UXS1: variants seen among roughly 807,000 people sequenced by gnomAD.
UXS1 encodes UDP-glucuronic acid decarboxylase 1.
UXS1 carries 33 observed loss-of-function variants against 62.6 expected under a neutral mutation model. That is an observed-to-expected ratio of 0.53 (90% CI 0.40 to 0.70). UXS1 has a LOEUF of 0.70. UXS1 is among the 30% of genes least tolerant of loss of function. The probability of loss-of-function intolerance (pLI) is 0.00; values close to 1 mark genes in which losing one functional copy is unlikely to be tolerated. For synonymous variants in UXS1, 213 were observed against 206.8 expected (o/e 1.03, Z -0.26); for missense variants, 434 against 556.3 (o/e 0.78, Z 2.21).
At position 106,166,057 on chromosome 2, in the gene UXS1, T is replaced by A; in HGVS notation, c.121A>T (p.Ser41Cys). The change falls in exon 2 of 15, where the codon AGC (serine) becomes TGC (cysteine). Residue 41 changes from serine (S) to cysteine (C), a missense_variant and splice_region_variant. Ser to Cys is a moderately radical substitution (Grantham distance 112, BLOSUM62 -1). Transcript: ENST00000283148. Reference protein sequence around the residue: ...ASVWGNFVNMSFLLNRSIQEN... With the variant: ...ASVWGNFVNMCFLLNRSIQEN... ...ACCCAAGTAATTAAAAACAATTACC[T>A]CATATTAACGAAGTTGCCCCAAACA... The A allele has an allele frequency of 6.2e-7, 1 of 1,611,276 alleles. No homozygotes were observed. The highest frequency in any genetic ancestry group is 2.2e-5 in the East Asian group (1 of 44,752).
At chr2:106,119,160 AC>A (rs1474694577) in intron 9 of UXS1, among the ~76,000 whole-genome samples, 1 of 152,214 alleles carries the variant, frequency 6.6e-6, no homozygotes, top group Non-Finnish European at 1.5e-5. Context: ...GGGTGATGCT[AC>A]TGCAGGCGCA....
At chr2:106,185,574 C>T (rs144362207) in intron 1 of UXS1, among the ~76,000 whole-genome samples, 6 of 152,292 alleles carry the variant, frequency 3.9e-5, no homozygotes, top group African/African-American at 7.2e-5. Context: ...AAAGAAGCTA[C>T]GGGTCCACAG....
At chr2:106,182,251 A>T (rs1203508894) in intron 1 of UXS1, among the ~76,000 whole-genome samples, 1 of 152,248 alleles carries the variant, frequency 6.6e-6, no homozygotes, top group Non-Finnish European at 1.5e-5. Context: ...AGAGCAAAAA[A>T]AGCAAAACAA....
intron 1 of UXS1, among the ~76,000 whole-genome samples, chr2:106,174,225 GCACCACTGTGTTC>G (rs1683735619): frequency 6.6e-6 from 1 of 152,166 alleles, no homozygotes; most frequent in African/African-American, 2.4e-5. Flanking sequence ...CCAAATATGG[GCACCACTGTGTTC>G]CCTTTTATAT....
At chr2:106,099,841 A>G (rs963995830) in intron 12 of UXS1, among the ~76,000 whole-genome samples, 1 of 152,206 alleles carries the variant, frequency 6.6e-6, no homozygotes, top group Admixed American at 6.5e-5. Flanking sequence ...ATTTTTTTCA[A>G]AAGTGGCACA....
intron 1 of UXS1, among the ~76,000 whole-genome samples, chr2:106,172,131 G>A (rs1683603110): frequency 6.6e-6 from 1 of 152,258 alleles, no homozygotes. Context: ...AGGCGACATG[G>A]GGTCTGTGAT....
At chr2:106,154,908 C>T (rs1229839981) in intron 5 of UXS1, among the ~76,000 whole-genome samples, 3 of 152,158 alleles carry the variant, frequency 2.0e-5, no homozygotes, top group African/African-American at 4.8e-5. Context: ...ATTTGGCACA[C>T]GGTCCTGCAG....
chr2:106,154,965 C>T (rs1399759768), intron 5 of UXS1, among the ~76,000 whole-genome samples: 2 of 152,132 alleles, frequency 1.3e-5, no homozygotes, highest in East Asian at 1.9e-4. Flanking sequence ...CTGAGGGCTT[C>T]GGAGAGCTTT....
intron 12 of UXS1, among the ~76,000 whole-genome samples, chr2:106,100,602 G>C (rs1372347168): frequency 6.6e-6 from 1 of 152,222 alleles, no homozygotes; most frequent in Admixed American, 6.5e-5. Flanking sequence ...CTGGGGCTGT[G>C]GGCAGGCATG....
intron 5 of UXS1, among the ~76,000 whole-genome samples, chr2:106,147,019 T>A (rs1314786560): frequency 6.6e-6 from 1 of 151,932 alleles, no homozygotes; most frequent in African/African-American, 2.4e-5. Flanking sequence ...TACACGCCTG[T>A]AATCCCAGCT....
At chr2:106,175,267 G>A (rs754284899) in intron 1 of UXS1, among the ~76,000 whole-genome samples, 1 of 152,240 alleles carries the variant, frequency 6.6e-6, no homozygotes, top group Non-Finnish European at 1.5e-5. Flanking sequence ...TGCTGCTGCT[G>A]CATGCATTCC....
chr2:106,177,798 T>C (rs1291288163), intron 1 of UXS1, among the ~76,000 whole-genome samples: 2 of 152,184 alleles, frequency 1.3e-5, no homozygotes, highest in South Asian at 2.1e-4. Flanking sequence ...TAAGCCACCC[T>C]GTCTGTGGTA....
At chr2:106,100,997 G>A (rs1677543855) in intron 12 of UXS1, 61 bp downstream of exon 12, 24 of 1,595,804 alleles carry the variant, frequency 1.5e-5, no homozygotes, top group Non-Finnish European at 1.8e-5. Flanking sequence ...TGCTGCTCAT[G>A]GTTTCACAAA....
intron 10 of UXS1, among the ~76,000 whole-genome samples, chr2:106,109,514 T>C (rs1185918203): frequency 2.0e-5 from 3 of 152,146 alleles, no homozygotes; most frequent in Admixed American, 6.5e-5. Context: ...CTGGGATAAA[T>C]CACATAAGGT....
At chr2:106,186,938 A>G (rs937005048) in intron 1 of UXS1, among the ~76,000 whole-genome samples, 4 of 152,144 alleles carry the variant, frequency 2.6e-5, no homozygotes, top group African/African-American at 9.6e-5. Flanking sequence ...TTAGGGAGTG[A>G]TAATGGTAAT....
At chr2:106,101,400 G>T in intron 11 of UXS1, 1 of 379,070 alleles carries the variant, frequency 2.6e-6, no homozygotes, top group South Asian at 5.4e-5. Flanking sequence ...GGCTGAGTTC[G>T]CCACTGCATT....
chr2:106,111,420 C>CA (rs1678597887), intron 10 of UXS1, among the ~76,000 whole-genome samples: 1 of 152,208 alleles, frequency 6.6e-6, no homozygotes, highest in Non-Finnish European at 1.5e-5. Flanking sequence ...CAGCGAAACT[C>CA]AGCTATACAA....
rs771628622 is a variant in UXS1, at chr2:106,123,110, G to C, written c.638-19C>G. On this transcript the variant is annotated intron_variant, in intron 8 of 14. Transcript: ENST00000283148. ...TCAGGATCTACGATGGGAGAAAAGT[G>C]AGACTGTTTTCATCTTTCCTTTTTC... 3.7e-6 allele frequency: 6 copies of C among 1,613,164 alleles called. No homozygotes were observed. Among genetic ancestry groups the C allele is most frequent in the Non-Finnish European group, 4.2e-6 (5 of 1,179,452 alleles).
chr2:106,093,849 GT>G lies in UXS1; in HGVS notation c.*176del, dbSNP rs35023695. 1.2e-6 allele frequency: 1 copy of G among 864,936 alleles called. No individual in the cohort carries two copies. Among genetic ancestry groups the G allele is most frequent in the Non-Finnish European group, 1.6e-6 (1 of 617,268 alleles). The allele number at this position is 864,936 out of a possible 1,614,324, so 53.6% of individuals were successfully genotyped here. A position where few individuals can be genotyped will look rare whatever the true frequency, so the allele number is the denominator to read the frequency against. On this transcript the variant is annotated 3_prime_UTR_variant, in exon 15 of 15. Transcript: ENST00000283148. ...CAAAAAGTGCAAGGCAAAATCTGCA[GT>G]TTTTTGAGGGGAGCTTTTAGGCACA...
Sources: gnomAD v4.1 joint callset for allele counts (sites outside exome capture counted in the v4.1 genomes callset) on GRCh38, gnomAD v4.1.1 for gene constraint, MANE v1.5 for transcripts, NCBI Gene and HGNC (gene_info 2026-07-23, HGNC 2026-07-21) for gene names.